The following DCC variants were observed in gnomAD, a reference collection of about 807,000 sequenced individuals.
DCC encodes DCC netrin 1 receptor.
Under a neutral mutation model 172.5 loss-of-function variants are expected in DCC, and 58 were observed. The observed-to-expected ratio is 0.34, with a 90% CI of 0.27 to 0.42. The LOEUF is 0.42. DCC is among the 10% of genes least tolerant of loss of function. The pLI is 1.00. For synonymous variants in DCC, 709 were observed against 644.5 expected (o/e 1.10, Z -1.52); for missense variants, 1,740 against 1,791.0 (o/e 0.97, Z 0.51).
At chr18:52,496,877 A>G (rs1160841430) in intron 1 of DCC, among the ~76,000 whole-genome samples, 1 of 152,036 alleles carries the variant, frequency 6.6e-6, no homozygotes, top group Non-Finnish European at 1.5e-5. Context: ...TCCATATCAT[A>G]CAGAATTTGC....
intron 5 of DCC, among the ~76,000 whole-genome samples, chr18:52,958,320 C>T (rs552805188): frequency 1.3e-5 from 2 of 151,790 alleles, no homozygotes; most frequent in East Asian, 3.9e-4. Context: ...GAAATCTATC[C>T]AAAAATGTAT....
At chr18:53,394,410 T>G (rs1908779242) in intron 17 of DCC, among the ~76,000 whole-genome samples, 1 of 152,168 alleles carries the variant, frequency 6.6e-6, no homozygotes, top group African/African-American at 2.4e-5. Context: ...CTAGTTCCAT[T>G]TACTCCCAAA....
intron 1 of DCC, among the ~76,000 whole-genome samples, chr18:52,433,136 G>A (rs1180457039): frequency 6.6e-6 from 1 of 151,998 alleles, no homozygotes; most frequent in Non-Finnish European, 1.5e-5. Flanking sequence ...ATTTAACCAG[G>A]TATTTGAGAG....
chr18:53,075,811 G>A (rs991424330), intron 7 of DCC, among the ~76,000 whole-genome samples: 1 of 152,146 alleles, frequency 6.6e-6, no homozygotes, highest in Non-Finnish European at 1.5e-5. Context: ...CTGGGGAAAA[G>A]AAGAAGGTTA....
chr18:52,886,371 G>A (rs576929336), intron 2 of DCC, among the ~76,000 whole-genome samples: 4 of 152,236 alleles, frequency 2.6e-5, no homozygotes, highest in South Asian at 2.1e-4. Context: ...GGCTAGGCTC[G>A]TCCAAATTCT....
chr18:52,500,195 A>C (rs2030965054), intron 1 of DCC, among the ~76,000 whole-genome samples: 1 of 152,010 alleles, frequency 6.6e-6, no homozygotes, highest in South Asian at 2.1e-4. Flanking sequence ...CATTTGCCAC[A>C]AACTGGTTGC....
At chr18:52,391,613 C>T (rs1986033654) in intron 1 of DCC, among the ~76,000 whole-genome samples, 1 of 152,098 alleles carries the variant, frequency 6.6e-6, no homozygotes. Flanking sequence ...TCTTGCCATA[C>T]TCAGAGTGGC....
At chr18:52,783,734 T>C (rs1014874990) in intron 2 of DCC, among the ~76,000 whole-genome samples, 2 of 151,964 alleles carry the variant, frequency 1.3e-5, no homozygotes, top group African/African-American at 4.8e-5. Context: ...TGTGTGTATG[T>C]ACACACACAC....
chr18:52,838,502 G>A (rs530507301), intron 2 of DCC, among the ~76,000 whole-genome samples: 6 of 152,208 alleles, frequency 3.9e-5, no homozygotes, highest in South Asian at 2.1e-4. Flanking sequence ...GCCGGGGTGT[G>A]GTGGGGGAGG....
At chr18:53,450,402 G>C in intron 22 of DCC, 98 bp from the exon 23 acceptor site, 1 of 1,376,316 alleles carries the variant, frequency 7.3e-7, no homozygotes, top group Non-Finnish European at 1.0e-6. Context: ...GTTCAGAAAA[G>C]CCCAGAACAT....
At chr18:53,132,927 C>A (rs2043680364) in intron 7 of DCC, among the ~76,000 whole-genome samples, 1 of 152,158 alleles carries the variant, frequency 6.6e-6, no homozygotes, top group Admixed American at 6.5e-5. Context: ...GTTTACAAGC[C>A]ATGAGTGCCT....
intron 1 of DCC, among the ~76,000 whole-genome samples, chr18:52,701,503 A>G (rs2036122089): frequency 6.6e-6 from 1 of 152,204 alleles, no homozygotes; most frequent in Admixed American, 6.6e-5. Flanking sequence ...GAAATGCAAT[A>G]ACAAACATAT....
At chr18:52,516,832 A>G (rs1033036328) in intron 1 of DCC, among the ~76,000 whole-genome samples, 3 of 152,198 alleles carry the variant, frequency 2.0e-5, no homozygotes, top group African/African-American at 7.2e-5. Context: ...TTCATTCTAC[A>G]AAGATTGGAA....
intron 5 of DCC, among the ~76,000 whole-genome samples, chr18:52,980,527 A>G (rs2041193424): frequency 6.6e-6 from 1 of 152,132 alleles, no homozygotes; most frequent in South Asian, 2.1e-4. Flanking sequence ...CTTCTATACA[A>G]CAATTGAGGT....
chr18:53,152,400 A>G (rs1304590941), intron 7 of DCC, among the ~76,000 whole-genome samples: 2 of 152,182 alleles, frequency 1.3e-5, no homozygotes, highest in Non-Finnish European at 2.9e-5. Context: ...AGAAAAATTG[A>G]AGCTTTATTT....
At chr18:53,267,663 A>G (rs2056698017) in intron 12 of DCC, among the ~76,000 whole-genome samples, 1 of 152,056 alleles carries the variant, frequency 6.6e-6, no homozygotes, top group Admixed American at 6.6e-5. Context: ...ACGGGGTCAC[A>G]CCATCATGCC....
intron 3 of DCC, among the ~76,000 whole-genome samples, chr18:52,909,554 T>C (rs34076636): frequency 0.39 from 59,813 of 151,946 alleles, 12,351 homozygotes; most frequent in Non-Finnish European, 0.47. Context: ...AATATACTTA[T>C]TCAAGTCTAT....
At chr18:52,829,365 A>AC (rs2145290882) in intron 2 of DCC, among the ~76,000 whole-genome samples, 1 of 152,302 alleles carries the variant, frequency 6.6e-6, no homozygotes, top group East Asian at 1.9e-4. Flanking sequence ...AGAACTTGTT[A>AC]ATTTGCTTTA....
chr18:52,738,485 A>G (rs1357226978), intron 1 of DCC, among the ~76,000 whole-genome samples: 1 of 152,256 alleles, frequency 6.6e-6, no homozygotes, highest in Admixed American at 6.5e-5. Context: ...ATTTTGTACA[A>G]GAGATTAAAA....
Sources: gnomAD v4.1 joint callset for allele counts (sites outside exome capture counted in the v4.1 genomes callset) on GRCh38, gnomAD v4.1.1 for gene constraint, MANE v1.5 for transcripts, NCBI Gene and HGNC (gene_info 2026-07-23, HGNC 2026-07-21) for gene names.